The following FBXL7 variants were observed in gnomAD, a reference collection of about 807,000 sequenced individuals.
FBXL7 encodes the protein F-box/LRR-repeat protein 7.
In FBXL7, 12 loss-of-function variants were observed where a neutral mutation model predicts 38.3. The observed-to-expected ratio is 0.31, with a 90% CI of 0.20 to 0.51. FBXL7 has a LOEUF of 0.51. FBXL7 is among the 20% of genes least tolerant of loss of function. The probability of loss-of-function intolerance (pLI) is 0.98; values close to 1 mark genes in which losing one functional copy is unlikely to be tolerated. For synonymous variants in FBXL7, 297 were observed against 300.9 expected (o/e 0.99, Z 0.13); for missense variants, 567 against 676.4 (o/e 0.84, Z 1.79).
At chr5:15,517,761 A>C (rs1437594944) in intron 1 of FBXL7, among the ~76,000 whole-genome samples, 1 of 152,200 alleles carries the variant, frequency 6.6e-6, no homozygotes, top group African/African-American at 2.4e-5. Flanking sequence ...GTTTACTTCC[A>C]CATGAAGGAC....
intron 2 of FBXL7, among the ~76,000 whole-genome samples, chr5:15,903,957 G>T (rs1459429534): frequency 1.3e-5 from 2 of 152,074 alleles, no homozygotes; most frequent in Non-Finnish European, 2.9e-5. Context: ...TATGGTAAGG[G>T]AAGGGAAGAA....
Position 15,741,980 on chromosome 5 carries a change from G to A in FBXL7, c.127+125908G>A, listed in dbSNP as rs78166086. Among the ~76,000 whole-genome samples, 665 of 152,282 alleles carry A rather than the reference G, an allele frequency of 4.4e-3. 1 individual carries two copies. The highest frequency in any genetic ancestry group is 6.6e-3 in the Non-Finnish European group (448 of 68,016). On this transcript the variant is annotated intron_variant, in intron 2 of 3. Coordinates refer to ENST00000504595, the MANE Select transcript of FBXL7 (RefSeq NM_012304.5). ...AAATCAGAGGTAATGGTTTTACTGA[G>A]GCAGAATGAGCTATGTGTTGGTGCC...
chr5:15,702,637 T>G (rs1743564746), intron 2 of FBXL7, among the ~76,000 whole-genome samples: 1 of 152,322 alleles, frequency 6.6e-6, no homozygotes, highest in South Asian at 2.1e-4. Context: ...CCTGAAGTCT[T>G]CAAGATTGCA....
chr5:15,591,483 A>C (rs181825377), intron 1 of FBXL7, among the ~76,000 whole-genome samples: 108 of 152,020 alleles, frequency 7.1e-4, no homozygotes, highest in Admixed American at 1.5e-3. Context: ...ATTCAAGTAG[A>C]AATTGCACCT....
chr5:15,867,288 C>T (rs1289348312), intron 2 of FBXL7, among the ~76,000 whole-genome samples: 1 of 152,148 alleles, frequency 6.6e-6, no homozygotes, highest in Non-Finnish European at 1.5e-5. Context: ...TTGCTCCAGG[C>T]TTCCTCTCTC....
At chr5:15,807,439 G>A (rs1321447062) in intron 2 of FBXL7, among the ~76,000 whole-genome samples, 1 of 152,154 alleles carries the variant, frequency 6.6e-6, no homozygotes. Flanking sequence ...CTGTGTTCTG[G>A]AAATCCCAGA....
chr5:15,576,344 A>G (rs1368325460), intron 1 of FBXL7, among the ~76,000 whole-genome samples: 2 of 152,036 alleles, frequency 1.3e-5, no homozygotes, highest in Non-Finnish European at 2.9e-5. Flanking sequence ...TTGGCCTCCC[A>G]AACTGCTGGG....
rs143119632 is a variant in FBXL7 at position 15,931,086 on chromosome 5, C to T, written c.739+2585C>T. Among the ~76,000 whole-genome samples, 121 of 152,314 alleles carry T rather than the reference C, an allele frequency of 7.9e-4. No individual in the cohort carries two copies. The East Asian group carries it at 0.012, about 16-fold the overall frequency. On this transcript the variant is annotated intron_variant, in intron 3 of 3. Transcript: ENST00000504595. ...CTATCCCTAGCATGCAGAAAATGCT[C>T]ATCTGGGAAGCTATCTTTAAAGTCA...
chr5:15,726,467 G>A (rs1744357991), intron 2 of FBXL7, among the ~76,000 whole-genome samples: 1 of 152,178 alleles, frequency 6.6e-6, no homozygotes, highest in East Asian at 1.9e-4. Context: ...GGCTGCGGCA[G>A]GCAGATCACG....
At chr5:15,885,552 A>G (rs1233604958) in intron 2 of FBXL7, among the ~76,000 whole-genome samples, 1 of 152,222 alleles carries the variant, frequency 6.6e-6, no homozygotes, top group Non-Finnish European at 1.5e-5. Flanking sequence ...TAATCAGGAC[A>G]AAATGAAATG....
At chr5:15,526,177 A>G (rs1737246307) in intron 1 of FBXL7, among the ~76,000 whole-genome samples, 1 of 152,040 alleles carries the variant, frequency 6.6e-6, no homozygotes, top group South Asian at 2.1e-4. Context: ...GGCAGACAGG[A>G]TGAGCAACAT....
At chr5:15,560,014 A>G (rs1738365520) in intron 1 of FBXL7, among the ~76,000 whole-genome samples, 1 of 152,214 alleles carries the variant, frequency 6.6e-6, no homozygotes, top group South Asian at 2.1e-4. Flanking sequence ...ATGCCTCAAC[A>G]CTAGCATTAT....
intron 2 of FBXL7, among the ~76,000 whole-genome samples, chr5:15,637,694 C>G (rs577786376): frequency 1.6e-4 from 24 of 152,270 alleles, no homozygotes; most frequent in Middle Eastern, 6.8e-3. Context: ...ATTATTATAA[C>G]CAGTTTAGAA....
intron 1 of FBXL7, among the ~76,000 whole-genome samples, chr5:15,544,536 T>G (rs1190436951): frequency 6.6e-6 from 1 of 152,130 alleles, no homozygotes; most frequent in East Asian, 1.9e-4. Flanking sequence ...GGCTCACCCA[T>G]TTTTAGGGTA....
chr5:15,681,211 T>A (rs1260122804), intron 2 of FBXL7, among the ~76,000 whole-genome samples: 1 of 152,178 alleles, frequency 6.6e-6, no homozygotes, highest in Non-Finnish European at 1.5e-5. Context: ...TCAACCTCAA[T>A]GTGAGGAATT....
intron 1 of FBXL7, among the ~76,000 whole-genome samples, chr5:15,517,524 G>A (rs1580347713): frequency 1.3e-5 from 2 of 152,128 alleles, no homozygotes; most frequent in South Asian, 2.1e-4. Context: ...ACAAGGAGGC[G>A]GGAACCAGTC....
chr5:15,855,453 C>T (rs1426214660), intron 2 of FBXL7, among the ~76,000 whole-genome samples: 2 of 152,004 alleles, frequency 1.3e-5, no homozygotes, highest in African/African-American at 4.8e-5. Context: ...TCTGGATGGA[C>T]CTACTGTAAA....
chr5:15,689,299 GT>G (rs1448174160), intron 2 of FBXL7, among the ~76,000 whole-genome samples: 1 of 149,988 alleles, frequency 6.7e-6, no homozygotes, highest in Non-Finnish European at 1.5e-5. Context: ...AATGCACAAG[GT>G]AATGTTTTCC....
rs73752356 is a variant in FBXL7, at chr5:15,890,791, C to A, written c.128-37099C>A. On this transcript the variant is annotated intron_variant, in intron 2 of 3. Transcript: ENST00000504595. Reference sequence around the variant, plus strand: ...AAATGAAGATCTACGTGATTGAAGTCTTGAGATTAGCCCTACCTTTTAACA... The same window carrying A: ...AAATGAAGATCTACGTGATTGAAGTATTGAGATTAGCCCTACCTTTTAACA... 6.8e-3 allele frequency among the ~76,000 whole-genome samples: 1,036 copies of A among 152,258 alleles called. 19 individuals carry two copies. The highest frequency in any genetic ancestry group is 0.024 in the African/African-American group (985 of 41,544).
Sources: gnomAD v4.1 joint callset for allele counts (sites outside exome capture counted in the v4.1 genomes callset) on GRCh38, gnomAD v4.1.1 for gene constraint, MANE v1.5 for transcripts, NCBI Gene and HGNC (gene_info 2026-07-23, HGNC 2026-07-21) for gene names.